The following CCBE1 variants were observed in gnomAD, a reference collection of about 807,000 sequenced individuals.
CCBE1 encodes collagen and calcium binding EGF domains 1.
CCBE1 carries 37 observed loss-of-function variants against 50.0 expected under a neutral mutation model. That is an observed-to-expected ratio of 0.74 (90% CI 0.57 to 0.97). The LOEUF (loss-of-function observed/expected upper bound fraction) is 0.97, where lower values mean the gene tolerates loss of function less well. Among genes scored for constraint, CCBE1 ranks in the 50% least tolerant of loss-of-function variants. The probability of loss-of-function intolerance (pLI) is 0.00; values close to 1 mark genes in which losing one functional copy is unlikely to be tolerated. For synonymous variants in CCBE1, 234 were observed against 203.7 expected, an observed-to-expected ratio of 1.15 and a Z score of -1.27; for missense variants, 538 against 523.8, an observed-to-expected ratio of 1.03 and a Z score of -0.26.
rs140815142 is a variant in CCBE1 at position 59,459,208 on chromosome 18, G to A, written c.554-4257C>T. On this transcript the variant is annotated intron_variant, in intron 5 of 10. Coordinates refer to ENST00000439986, the MANE Select transcript of CCBE1 (RefSeq NM_133459.4). ...TTCTCTACAAAATCAGATATGTGGG[G>A]TTGGGACCTTACATCACCTTTTCAA... 7.2e-5 allele frequency: 11 copies of A among 152,252 alleles called. No individual in the cohort carries two copies. In the East Asian group the frequency reaches 1.7e-3, roughly 24 times the overall value. 9.4% of individuals were successfully genotyped at this position (152,252 alleles called of 1,614,324 possible).
intron 2 of CCBE1, among the ~76,000 whole-genome samples, chr18:59,612,909 G>T (rs1303282014): frequency 8.7e-5 from 13 of 148,696 alleles, no homozygotes; most frequent in African/African-American, 3.2e-4. Flanking sequence ...AGGAAGAAAA[G>T]AATTCCTAGT....
At chr18:59,656,568 C>A in intron 2 of CCBE1, among the ~76,000 whole-genome samples, 1 of 152,200 alleles carries the variant, frequency 6.6e-6, no homozygotes, top group East Asian at 1.9e-4. Flanking sequence ...ACTCTGAGAA[C>A]ATGAATTCCA....
chr18:59,567,044 T>C (rs1340388596), intron 2 of CCBE1, among the ~76,000 whole-genome samples: 4 of 152,228 alleles, frequency 2.6e-5, no homozygotes, highest in Non-Finnish European at 5.9e-5. Flanking sequence ...GTGAGAGGAT[T>C]AGGTCATTTC....
chr18:59,649,786 A>G (rs1273264803), intron 2 of CCBE1, among the ~76,000 whole-genome samples: 2 of 152,354 alleles, frequency 1.3e-5, no homozygotes, highest in East Asian at 1.9e-4. Context: ...AGCAGCCCAC[A>G]TGCTCCAGCA....
At chr18:59,689,646 A>C (rs1436743041) in intron 2 of CCBE1, among the ~76,000 whole-genome samples, 1 of 152,230 alleles carries the variant, frequency 6.6e-6, no homozygotes. Flanking sequence ...TTGGAGGGGC[A>C]TGCCTTCTTT....
intron 2 of CCBE1, among the ~76,000 whole-genome samples, chr18:59,629,845 A>G (rs2053829488): frequency 6.6e-6 from 1 of 152,114 alleles, no homozygotes; most frequent in Non-Finnish European, 1.5e-5. Context: ...GTAGCAGGCG[A>G]GCCAGGAGGG....
At chr18:59,529,891 C>G (rs1462755743) in intron 2 of CCBE1, among the ~76,000 whole-genome samples, 1 of 152,154 alleles carries the variant, frequency 6.6e-6, no homozygotes. Flanking sequence ...TGCTCTCAAA[C>G]CTATACTGTC....
intron 2 of CCBE1, among the ~76,000 whole-genome samples, chr18:59,595,450 G>A (rs1309601559): frequency 6.6e-6 from 1 of 152,136 alleles, no homozygotes; most frequent in African/African-American, 2.4e-5. Flanking sequence ...TCCCTATCAA[G>A]ATTAACTATA....
At chr18:59,591,530 C>G (rs1446168835) in intron 2 of CCBE1, among the ~76,000 whole-genome samples, 2 of 151,980 alleles carry the variant, frequency 1.3e-5, no homozygotes, top group Non-Finnish European at 2.9e-5. Context: ...TCCAAAAGCC[C>G]AAGAGAAAAA....
chr18:59,472,572 T>C (rs906031145), intron 3 of CCBE1, among the ~76,000 whole-genome samples: 1 of 152,208 alleles, frequency 6.6e-6, no homozygotes, highest in Admixed American at 6.5e-5. Flanking sequence ...CTACTCTTGG[T>C]CTTGAACTCC....
At chr18:59,465,393 T>G (rs1911693869) in intron 5 of CCBE1, 1 of 152,250 alleles carries the variant, frequency 6.6e-6, no homozygotes, top group Non-Finnish European at 1.5e-5. Flanking sequence ...TGCCTCGTTC[T>G]TCTTTTTTCC....
intron 2 of CCBE1, among the ~76,000 whole-genome samples, chr18:59,510,072 GC>G (rs1462243550): frequency 6.6e-6 from 1 of 152,198 alleles, no homozygotes; most frequent in Non-Finnish European, 1.5e-5. Flanking sequence ...TATCATCATG[GC>G]AGATCCAAAT....
intron 9 of CCBE1, among the ~76,000 whole-genome samples, chr18:59,438,710 A>G (rs1042736135): frequency 3.3e-5 from 5 of 152,220 alleles, no homozygotes; most frequent in Non-Finnish European, 5.9e-5. Context: ...TTTGGAATTG[A>G]AGACAATGGC....
intron 2 of CCBE1, among the ~76,000 whole-genome samples, chr18:59,570,120 T>C (rs553146290): frequency 6.6e-6 from 1 of 152,304 alleles, no homozygotes; most frequent in South Asian, 2.1e-4. Context: ...TGGTGAGAAA[T>C]AGCAAAGGGT....
At chr18:59,557,727 C>G (rs1360443396) in intron 2 of CCBE1, among the ~76,000 whole-genome samples, 1 of 152,136 alleles carries the variant, frequency 6.6e-6, no homozygotes, top group Non-Finnish European at 1.5e-5. Flanking sequence ...AAGTCTGTAA[C>G]CAGTGCTCAA....
At chr18:59,600,672 C>G (rs1001516222) in intron 2 of CCBE1, among the ~76,000 whole-genome samples, 1 of 152,264 alleles carries the variant, frequency 6.6e-6, no homozygotes, top group Non-Finnish European at 1.5e-5. Flanking sequence ...CTCTCAAAGA[C>G]AGTGGCTTCA....
At position 59,646,342 on chromosome 18, in the gene CCBE1, G is replaced by A. The variant is rs146164117; in HGVS notation, c.212+50287C>T. Among the ~76,000 whole-genome samples the A allele has an allele frequency of 1.3e-4, 20 of 152,318 alleles. No individual in the cohort carries two copies. The East Asian group carries it at 3.9e-3, about 29-fold the overall frequency. On this transcript the variant is annotated intron_variant, in intron 2 of 10. Coordinates refer to ENST00000439986, the MANE Select transcript of CCBE1 (RefSeq NM_133459.4). ...AATGGGAGCAGGACTAGATTGTCCT[G>A]AGAGGGATTCTACCCAAGAGGACTG...
intron 7 of CCBE1, among the ~76,000 whole-genome samples, chr18:59,447,661 T>C (rs988168281): frequency 6.6e-6 from 1 of 152,184 alleles, no homozygotes; most frequent in African/African-American, 2.4e-5. Flanking sequence ...TCCATTTTTG[T>C]ATATGTTAAA....
intron 2 of CCBE1, among the ~76,000 whole-genome samples, chr18:59,664,966 T>C (rs1864306): frequency 0.45 from 67,909 of 152,054 alleles, 16,600 homozygotes; most frequent in African/African-American, 0.65. Context: ...CATTCTTCAC[T>C]GCCCTCCCCT....
Sources: allele counts gnomAD v4.1 joint callset (sites outside exome capture counted in the v4.1 genomes callset), GRCh38; gene constraint gnomAD v4.1.1; transcripts MANE v1.5; gene names NCBI Gene and HGNC (gene_info 2026-07-23, HGNC 2026-07-21).